PDE4D: variants seen among roughly 807,000 people sequenced by gnomAD.
PDE4D encodes phosphodiesterase 4D, also known as 3',5'-cyclic-AMP phosphodiesterase 4D.
Under a neutral mutation model 87.4 loss-of-function variants are expected in PDE4D, and 24 were observed. The observed-to-expected ratio is 0.27, with a 90% confidence interval of 0.20 to 0.39. The LOEUF is 0.39. Ranked by LOEUF, PDE4D falls within the 10% of genes least tolerant of loss-of-function variation. The pLI is 1.00. For synonymous variants in PDE4D, 384 were observed against 383.2 expected, an observed-to-expected ratio of 1.00 and a Z score of -0.02; for missense variants, 714 against 1,041.0, an observed-to-expected ratio of 0.69 and a Z score of 4.32.
intron 1 of PDE4D, among the ~76,000 whole-genome samples, chr5:60,446,923 G>A (rs1206973592): frequency 6.6e-6 from 1 of 152,166 alleles, no homozygotes; most frequent in Non-Finnish European, 1.5e-5. Flanking sequence ...GACAGAAAAA[G>A]AGATTTGTGG....
chr5:59,862,565 C>A (rs561973726), intron 1 of PDE4D, among the ~76,000 whole-genome samples: 21 of 151,654 alleles, frequency 1.4e-4, no homozygotes, highest in African/African-American at 4.4e-4. Context: ...CTTAACCACT[C>A]TACACCTCAA....
intron 1 of PDE4D, among the ~76,000 whole-genome samples, chr5:60,467,249 A>G (rs1233610686): frequency 6.6e-6 from 1 of 152,116 alleles, no homozygotes; most frequent in African/African-American, 2.4e-5. Flanking sequence ...CATGTTCGCC[A>G]GGCTGGTCTT....
At chr5:59,141,076 G>A (rs1393333762) in intron 5 of PDE4D, among the ~76,000 whole-genome samples, 1 of 152,224 alleles carries the variant, frequency 6.6e-6, no homozygotes, top group Non-Finnish European at 1.5e-5. Context: ...TTCAGGATCT[G>A]CAGGTGAGAA....
At chr5:59,750,267 C>G (rs935612220) in intron 1 of PDE4D, among the ~76,000 whole-genome samples, 1 of 152,026 alleles carries the variant, frequency 6.6e-6, no homozygotes, top group African/African-American at 2.4e-5. Flanking sequence ...GTGTCCCTTC[C>G]TAACACAGAC....
At chr5:59,780,208 A>G (rs1764475887) in intron 1 of PDE4D, among the ~76,000 whole-genome samples, 1 of 152,200 alleles carries the variant, frequency 6.6e-6, no homozygotes, top group East Asian at 1.9e-4. Flanking sequence ...TACTAAAAAT[A>G]TTAAAAAATT....
intron 1 of PDE4D, among the ~76,000 whole-genome samples, chr5:60,419,645 A>T (rs908447034): frequency 1.3e-5 from 2 of 152,196 alleles, no homozygotes; most frequent in Admixed American, 6.5e-5. Flanking sequence ...TTTTTAAGAT[A>T]GGCAGAATGC....
At chr5:60,034,377 T>A (rs758564658) in intron 2 of PDE4D, among the ~76,000 whole-genome samples, 68 of 152,324 alleles carry the variant, frequency 4.5e-4, no homozygotes, top group Middle Eastern at 3.4e-3. Context: ...GAGATGCCAA[T>A]GGGGGATTCA....
At position 58,974,532 on chromosome 5, in the gene PDE4D, C is replaced by T. The variant is rs779139607; in HGVS notation, c.*132G>A. 3.5e-5 allele frequency: 28 copies of T among 798,564 alleles called. No homozygotes were observed. The highest frequency in any genetic ancestry group is 5.1e-5 in the Non-Finnish European group (26 of 507,416). 49.5% of individuals were successfully genotyped at this position (798,564 alleles called of 1,614,324 possible). On this transcript the variant is annotated 3_prime_UTR_variant, in exon 15 of 15. Coordinates refer to ENST00000340635, the MANE Select transcript of PDE4D (RefSeq NM_001104631.2). Reference sequence around the variant, plus strand: ...ATTCCTGAGCGCTGGACTGAGTAGTCAAGGTCAGTTTTGTTCAACAAACGT... The same window carrying T: ...ATTCCTGAGCGCTGGACTGAGTAGTTAAGGTCAGTTTTGTTCAACAAACGT...
intron 1 of PDE4D, among the ~76,000 whole-genome samples, chr5:60,274,545 G>A (rs1190944907): frequency 6.6e-6 from 1 of 152,152 alleles, no homozygotes; most frequent in African/African-American, 2.4e-5. Flanking sequence ...ATTTTCAGTA[G>A]AGACAGGTTT....
intron 1 of PDE4D, among the ~76,000 whole-genome samples, chr5:59,265,739 C>T (rs74560124): frequency 2.6e-5 from 4 of 151,958 alleles, no homozygotes. Context: ...TTTAGGCAAG[C>T]CACTTTACTT....
At chr5:60,374,151 C>A (rs771457316) in intron 1 of PDE4D, among the ~76,000 whole-genome samples, 47 of 152,152 alleles carry the variant, frequency 3.1e-4, no homozygotes, top group African/African-American at 1.1e-3. Context: ...TCCAATAGTG[C>A]TGCTACACAT....
In PDE4D at chr5:60,049,060, C is replaced by T. The variant is rs539985065; in HGVS notation, c.43-60343G>A. On this transcript the variant is annotated intron_variant, in intron 2 of 16. Transcript: ENST00000502484. ...TCCCATATTTCTTGGAGGGTTTGCCCGTTTCTTTTTATTCTTTTTTCTCTA... is the reference window on the plus strand; with the variant it reads ...TCCCATATTTCTTGGAGGGTTTGCCTGTTTCTTTTTATTCTTTTTTCTCTA... 3.9e-5 allele frequency among the ~76,000 whole-genome samples: 6 copies of T among 152,188 alleles called. No individual in the cohort carries two copies. In the East Asian group the frequency reaches 5.8e-4, roughly 15 times the overall value.
At chr5:59,520,233 A>T (rs1250450452) in intron 1 of PDE4D, among the ~76,000 whole-genome samples, 1 of 152,216 alleles carries the variant, frequency 6.6e-6, no homozygotes, top group Non-Finnish European at 1.5e-5. Context: ...ACTGCACTCC[A>T]GCCTGGGCAA....
intron 2 of PDE4D, among the ~76,000 whole-genome samples, chr5:59,209,516 A>T (rs531835637): frequency 9.2e-5 from 14 of 152,206 alleles, no homozygotes; most frequent in Admixed American, 3.9e-4. Context: ...AGATATGAAT[A>T]AACAACTAAT....
chr5:60,361,573 G>A (rs1760071933), intron 1 of PDE4D, among the ~76,000 whole-genome samples: 1 of 152,164 alleles, frequency 6.6e-6, no homozygotes, highest in Admixed American at 6.5e-5. Context: ...CCTCCCTTGT[G>A]GATGGTTTTG....
intron 1 of PDE4D, among the ~76,000 whole-genome samples, chr5:59,850,266 A>C (rs1325449453): frequency 6.6e-6 from 1 of 152,058 alleles, no homozygotes. Flanking sequence ...CAAAGTTGTT[A>C]TTTTTAAGCT....
At chr5:59,970,445 C>T (rs902912491) in intron 3 of PDE4D, among the ~76,000 whole-genome samples, 2 of 152,026 alleles carry the variant, frequency 1.3e-5, no homozygotes, top group South Asian at 2.1e-4. Flanking sequence ...AGAAAATTTT[C>T]GCAACCTACT....
At chr5:60,204,225 T>C (rs926959452) in intron 1 of PDE4D, among the ~76,000 whole-genome samples, 1 of 152,034 alleles carries the variant, frequency 6.6e-6, no homozygotes, top group Non-Finnish European at 1.5e-5. Flanking sequence ...TCTCTATCTC[T>C]CTGTCATCTA....
At chr5:59,820,242 G>A (rs996903177) in intron 1 of PDE4D, among the ~76,000 whole-genome samples, 4 of 151,914 alleles carry the variant, frequency 2.6e-5, no homozygotes, top group Admixed American at 6.6e-5. Context: ...CCTCCATTTC[G>A]AACTTCTGCC....
Sources: gnomAD v4.1 joint callset for allele counts (sites outside exome capture counted in the v4.1 genomes callset) on GRCh38, gnomAD v4.1.1 for gene constraint, MANE v1.5 for transcripts, NCBI Gene and HGNC (gene_info 2026-07-23, HGNC 2026-07-21) for gene names.